TMEM63C: variants seen among roughly 807,000 people sequenced by gnomAD.
TMEM63C encodes the protein osmosensitive cation channel TMEM63C.
In TMEM63C, 32 loss-of-function variants were observed where a neutral mutation model predicts 99.2. The observed-to-expected ratio is 0.32, with a 90% CI of 0.24 to 0.43. TMEM63C has a LOEUF of 0.43. Ranked by LOEUF, TMEM63C falls within the 20% of genes least tolerant of loss-of-function variation. The pLI is 1.00. For missense variants in TMEM63C, 826 were observed against 1,053.0 expected (o/e 0.78, Z 2.98); for synonymous variants, 376 against 397.9 (o/e 0.94, Z 0.66).
intron 1 of TMEM63C, among the ~76,000 whole-genome samples, chr14:77,212,085 G>A (rs2140103827): frequency 6.6e-6 from 1 of 151,868 alleles, no homozygotes; most frequent in Admixed American, 6.6e-5. Context: ...TGCAGTCTGG[G>A]CCCCTCACCA....
chr14:77,251,500 G>T (rs1485971334), intron 21 of TMEM63C, among the ~76,000 whole-genome samples: 1 of 152,220 alleles, frequency 6.6e-6, no homozygotes, highest in East Asian at 1.9e-4. Context: ...TCCCAGGGAC[G>T]ATGGTGTTGG....
At chr14:77,197,404 G>A (rs1888231335) in intron 1 of TMEM63C, among the ~76,000 whole-genome samples, 1 of 152,186 alleles carries the variant, frequency 6.6e-6, no homozygotes, top group African/African-American at 2.4e-5. Flanking sequence ...CCAGACTCTT[G>A]TTCAAGATTA....
intron 1 of TMEM63C, among the ~76,000 whole-genome samples, chr14:77,194,336 ATGTG>A (rs36201483): frequency 6.8e-4 from 60 of 87,610 alleles, no homozygotes; most frequent in African/African-American, 1.6e-3. Context: ...ATATATATAT[ATGTG>A]TGTGTGTGTG....
At chr14:77,238,192 C>T (rs1462686804) in intron 9 of TMEM63C, among the ~76,000 whole-genome samples, 1 of 152,216 alleles carries the variant, frequency 6.6e-6, no homozygotes, top group Non-Finnish European at 1.5e-5. Context: ...CTACCCTCTC[C>T]CCAGAGTCTT....
intron 4 of TMEM63C, 120 bp from the exon 5 acceptor site, chr14:77,219,886 A>AGCAG: frequency 1.1e-6 from 1 of 887,486 alleles, no homozygotes; most frequent in Admixed American, 2.2e-5. Context: ...GGAGCTGAGG[A>AGCAG]GCGCCTGCCC....
Position 77,256,915 on chromosome 14 carries a change from G to A in TMEM63C, c.*189G>A. On this transcript the variant is annotated 3_prime_UTR_variant, in exon 24 of 24. Transcript: ENST00000298351. Reference sequence around the variant, plus strand: ...GACCTGCTGCCCGGCTGGAACTGGGGGTGCTCGGCAGTGCTGAAGGAGCCT... The same window carrying A: ...GACCTGCTGCCCGGCTGGAACTGGGAGTGCTCGGCAGTGCTGAAGGAGCCT... 2 of 609,476 alleles carry A rather than the reference G, an allele frequency of 3.3e-6. No individual in the cohort carries two copies. Among genetic ancestry groups the A allele is most frequent in the South Asian group, 2.0e-5 (1 of 49,276 alleles). The allele number at this position is 609,476 out of a possible 1,614,324, so 37.8% of individuals were successfully genotyped here.
chr14:77,226,921 C>T (rs1406645969), intron 6 of TMEM63C, among the ~76,000 whole-genome samples: 1 of 152,162 alleles, frequency 6.6e-6, no homozygotes, highest in Non-Finnish European at 1.5e-5. Flanking sequence ...GCACGTGCCA[C>T]CATGTCCAGC....
intron 1 of TMEM63C, among the ~76,000 whole-genome samples, chr14:77,198,268 G>A (rs1888243124): frequency 2.0e-5 from 3 of 152,214 alleles, no homozygotes; most frequent in Non-Finnish European, 4.4e-5. Context: ...CCCATGATCT[G>A]GCATCTTGGG....
intron 5 of TMEM63C, 61 bp downstream of exon 5, chr14:77,220,148 T>C: frequency 6.8e-7 from 1 of 1,474,210 alleles, no homozygotes; most frequent in Non-Finnish European, 9.2e-7. Flanking sequence ...AGGCGTGGTG[T>C]GCACAGGAAG....
At chr14:77,212,060 G>A (rs1888504724) in intron 1 of TMEM63C, among the ~76,000 whole-genome samples, 1 of 152,222 alleles carries the variant, frequency 6.6e-6, no homozygotes, top group Admixed American at 6.5e-5. Context: ...GCTGGAAGGA[G>A]GAGTGTAGGG....
chr14:77,249,176 G>GT, intron 20 of TMEM63C, 115 bp from the exon 21 acceptor site: 1 of 1,151,508 alleles, frequency 8.7e-7, no homozygotes, highest in Non-Finnish European at 1.3e-6. Flanking sequence ...CCCATCCTTG[G>GT]TTGTTGTGAC....
At chr14:77,254,409 A>T (rs1438996708) in intron 23 of TMEM63C, among the ~76,000 whole-genome samples, 1 of 152,178 alleles carries the variant, frequency 6.6e-6, no homozygotes, top group Non-Finnish European at 1.5e-5. Context: ...ACAGGCACAG[A>T]TTATCTCTGA....
chr14:77,215,952 C>T (rs1343311940), intron 2 of TMEM63C, among the ~76,000 whole-genome samples: 1 of 152,220 alleles, frequency 6.6e-6, no homozygotes. Flanking sequence ...CAATTCCTCT[C>T]CTGTCATTCT....
chr14:77,210,095 A>G (rs1437735811), intron 1 of TMEM63C, among the ~76,000 whole-genome samples: 1 of 152,158 alleles, frequency 6.6e-6, no homozygotes, highest in Non-Finnish European at 1.5e-5. Flanking sequence ...AGGAGTGACA[A>G]AACTTTTTGG....
chr14:77,245,621 G>A (rs1351961764), intron 16 of TMEM63C, among the ~76,000 whole-genome samples: 1 of 152,222 alleles, frequency 6.6e-6, no homozygotes, highest in Non-Finnish European at 1.5e-5. Context: ...GCAAGGAGGA[G>A]CAAGTCACAT....
chr14:77,232,401 C>A (rs1594862745), intron 7 of TMEM63C, among the ~76,000 whole-genome samples: 1 of 152,272 alleles, frequency 6.6e-6, no homozygotes, highest in East Asian at 1.9e-4. Context: ...GATTCTCCTG[C>A]CTCAGCCTCC....
In TMEM63C at chr14:77,249,476, C is replaced by G; in HGVS notation, c.2038+18C>G. ...GCGGTTGGGTAGGTACCAAGCCAGC[C>G]TGGAGACCCCACCTCCACCTGCCCC... On this transcript the variant is annotated intron_variant, in intron 21 of 23. Coordinates refer to ENST00000298351, the MANE Select transcript of TMEM63C (RefSeq NM_020431.4). The G allele has an allele frequency of 6.2e-7, 1 of 1,612,694 alleles. No individual in the cohort carries two copies. Among genetic ancestry groups the G allele is most frequent in the Non-Finnish European group, 8.5e-7 (1 of 1,179,116 alleles).
chr14:77,219,544 A>G lies in TMEM63C; in HGVS notation c.197A>G (p.Tyr66Cys), dbSNP rs1472191091. 2.5e-6 allele frequency: 4 copies of G among 1,613,814 alleles called. No homozygotes were observed. The highest frequency in any genetic ancestry group is 8.5e-7 in the Non-Finnish European group (1 of 1,179,898). Residue 66 changes from tyrosine (Y) to cysteine (C), a missense_variant, in exon 4 of 24, where the codon TAT (tyrosine) becomes TGT (cysteine). Tyr to Cys is a radical substitution (Grantham distance 194). Transcript: ENST00000298351. Reference sequence around the variant, plus strand: ...TTCCTCCGGAAAGCTGCGTGGGACTATGGGCGCCTGGCTCTGCTGATACAC... The same window carrying G: ...TTCCTCCGGAAAGCTGCGTGGGACTGTGGGCGCCTGGCTCTGCTGATACAC... ...YSFLRKAAWD[Y>C]GRLALLIHND...
intron 17 of TMEM63C, 136 bp downstream of exon 17, chr14:77,246,162 T>A: frequency 1.4e-6 from 1 of 740,532 alleles, no homozygotes; most frequent in Non-Finnish European, 2.4e-6. Context: ...CTGTCATGGG[T>A]GTAGCATGAG....
Sources: allele counts gnomAD v4.1 joint callset (sites outside exome capture counted in the v4.1 genomes callset), GRCh38; gene constraint gnomAD v4.1.1; transcripts MANE v1.5; gene names NCBI Gene and HGNC (gene_info 2026-07-23, HGNC 2026-07-21).